DMD: variants seen among roughly 807,000 people sequenced by gnomAD.
DMD encodes dystrophin.
A neutral mutation model predicts 330.1 loss-of-function variants in DMD; 63 were observed. The ratio of observed to expected loss-of-function variants is 0.19; its 90% CI spans 0.16 to 0.24. DMD has a LOEUF of 0.24. Among genes scored for constraint, DMD ranks in the 10% least tolerant of loss-of-function variants. The probability of loss-of-function intolerance (pLI) is 1.00; values close to 1 mark genes in which losing one functional copy is unlikely to be tolerated. For missense variants in DMD, 3,344 were observed against 2,684.1 expected, an observed-to-expected ratio of 1.25 and a Z score of -5.43; for synonymous variants, 1,223 against 959.8, an observed-to-expected ratio of 1.27 and a Z score of -5.07.
chrX:32,338,202 C>A (rs559195679), intron 41 of DMD, among the ~76,000 whole-genome samples: 9 of 111,361 alleles, frequency 8.1e-5, no homozygotes, highest in East Asian at 2.8e-4. Context: ...TCTTAAGTAA[C>A]CCTTAATGAT....
At chrX:33,143,813 T>G (rs2047908271) in intron 1 of DMD, among the ~76,000 whole-genome samples, 1 of 111,671 alleles carries the variant, frequency 9.0e-6, no homozygotes, top group Non-Finnish European at 1.9e-5. Flanking sequence ...CACATTTCTC[T>G]GCATAATTTG....
rs774624660 is a variant in DMD at position 32,454,804 on chromosome X, C to A, written c.3461G>T (p.Gly1154Val). Reference protein sequence around the residue: ...QVYARKEALKGGLEKTVSLQK... With the variant: ...QVYARKEALKVGLEKTVSLQK... ...GAGGCTTACAGTTTTCTCCAAACCTCCCTTCAAGGCCTCCTTTCTGGCATA... is the reference window on the plus strand; with the variant it reads ...GAGGCTTACAGTTTTCTCCAAACCTACCTTCAAGGCCTCCTTTCTGGCATA... The change falls in exon 26 of 79, where the codon GGA becomes GTA. Residue 1154 changes from glycine to valine, a missense_variant. Coordinates refer to ENST00000357033, the MANE Select transcript of DMD (RefSeq NM_004006.3). 5 of 1,205,192 alleles carry A rather than the reference C, an allele frequency of 4.1e-6. No homozygotes were observed. In the African/African-American group the frequency reaches 5.3e-5, roughly 13 times the overall value.
chrX:31,427,489 G>T (rs1044995977), intron 60 of DMD, among the ~76,000 whole-genome samples: 1 of 111,378 alleles, frequency 9.0e-6, no homozygotes, highest in African/African-American at 3.3e-5. Flanking sequence ...TTGGGTAGAG[G>T]GTCTCGAGAC....
intron 44 of DMD, among the ~76,000 whole-genome samples, chrX:32,072,656 G>A (rs936706244): frequency 5.4e-5 from 6 of 111,164 alleles, no homozygotes; most frequent in South Asian, 3.7e-4. Flanking sequence ...AGAAAATTTG[G>A]TTCAGGACAG....
intron 59 of DMD, among the ~76,000 whole-genome samples, chrX:31,469,718 C>G (rs1351879730): frequency 9.0e-6 from 1 of 111,714 alleles, no homozygotes; most frequent in African/African-American, 3.3e-5. Context: ...GTTGGCCTGT[C>G]TTGCTAGGTT....
At chrX:31,122,367 T>TATCA (rs886663465) in intron 78 of DMD, among the ~76,000 whole-genome samples, 72 of 111,163 alleles carry the variant, frequency 6.5e-4, no homozygotes, top group East Asian at 8.5e-4. Context: ...TTTTTTTTAC[T>TATCA]ATCAATCAAA....
At chrX:31,826,698 G>A (rs907089113) in intron 49 of DMD, among the ~76,000 whole-genome samples, 3 of 112,182 alleles carry the variant, frequency 2.7e-5, no homozygotes, top group Non-Finnish European at 5.6e-5. Flanking sequence ...TCATCTATAA[G>A]CAAATTTAAG....
At chrX:33,335,853 T>C (rs2054245611) in intron 1 of DMD, among the ~76,000 whole-genome samples, 1 of 111,224 alleles carries the variant, frequency 9.0e-6, no homozygotes, top group South Asian at 3.7e-4. Flanking sequence ...AGCCAGCTGA[T>C]TTATTGACCA....
chrX:32,321,140 T>C (rs1753385752), intron 41 of DMD, among the ~76,000 whole-genome samples: 1 of 111,847 alleles, frequency 8.9e-6, no homozygotes, highest in African/African-American at 3.2e-5. Context: ...TATGCACATG[T>C]ATGTATGTAC....
At chrX:33,189,241 C>T (rs754471289) in intron 1 of DMD, among the ~76,000 whole-genome samples, 1 of 110,458 alleles carries the variant, frequency 9.1e-6, no homozygotes, top group African/African-American at 3.3e-5. Context: ...TTTGTTTATT[C>T]AAAAAAAGCA....
At chrX:31,834,532 C>A (rs1842557794) in intron 49 of DMD, among the ~76,000 whole-genome samples, 1 of 111,672 alleles carries the variant, frequency 9.0e-6, no homozygotes, top group Non-Finnish European at 1.9e-5. Flanking sequence ...TTCTGCCTCT[C>A]GGGTTCAAGT....
chrX:32,731,132 G>T (rs1038369794), intron 7 of DMD, among the ~76,000 whole-genome samples: 2 of 112,074 alleles, frequency 1.8e-5, no homozygotes, highest in Admixed American at 9.4e-5. Flanking sequence ...CCCTTTCCTA[G>T]TCAAAGAAAG....
intron 43 of DMD, among the ~76,000 whole-genome samples, chrX:32,257,795 AC>A (rs1024886802): frequency 8.9e-6 from 1 of 111,896 alleles, no homozygotes; most frequent in Non-Finnish European, 1.9e-5. Flanking sequence ...AGCAACAGCA[AC>A]AAAAGCCAAA....
chrX:32,819,498 AAC>A (rs1235537508), intron 5 of DMD, among the ~76,000 whole-genome samples: 1 of 111,767 alleles, frequency 8.9e-6, no homozygotes, highest in East Asian at 2.8e-4. Flanking sequence ...AAAGATGCCA[AAC>A]ACATGTTATA....
intron 44 of DMD, among the ~76,000 whole-genome samples, chrX:32,136,300 C>T (rs1019529493): frequency 1.8e-5 from 2 of 112,304 alleles, no homozygotes; most frequent in African/African-American, 3.2e-5. Context: ...TAGTATATAC[C>T]AGCCAGGCCT....
intron 44 of DMD, among the ~76,000 whole-genome samples, chrX:32,018,328 CATATTCT>C (rs1343663701): frequency 1.8e-5 from 2 of 111,742 alleles, no homozygotes; most frequent in Non-Finnish European, 3.8e-5. Context: ...TTGTATTAAT[CATATTCT>C]AATTGTCCTC....
chrX:32,645,372 T>C (rs1409675185), intron 9 of DMD, among the ~76,000 whole-genome samples: 1 of 112,156 alleles, frequency 8.9e-6, no homozygotes, highest in Non-Finnish European at 1.9e-5. Context: ...ACCAAATTAA[T>C]ATTGTATTAA....
In DMD at chrX:31,689,491, C is replaced by T. The variant is rs766930071; in HGVS notation, c.7661-9905G>A. Among the ~76,000 whole-genome samples the T allele has an allele frequency of 5.5e-3, 605 of 110,661 alleles. 1 individual carries two copies. Among genetic ancestry groups the T allele is most frequent in the Non-Finnish European group, 8.8e-3 (465 of 52,716 alleles). ...AAGAGGACACAAACAAATGGAAGAA[C>T]ATTCCATGCTCATGGATAGGAAGAA... On this transcript the variant is annotated intron_variant, in intron 52 of 78. Transcript: ENST00000357033.
rs775790760 is a variant in DMD at position 33,033,554 on chromosome X, C to CAAAAAAAAAAAAAAAAAAAAAAAA, written c.32-13355_32-13354insTTTTTTTTTTTTTTTTTTTTTTTT. 6.2e-4 allele frequency among the ~76,000 whole-genome samples: 46 copies of CAAAAAAAAAAAAAAAAAAAAAAAA among 74,497 alleles called. 2 individuals are homozygous for CAAAAAAAAAAAAAAAAAAAAAAAA. The highest frequency in any genetic ancestry group is 2.2e-3 in the African/African-American group (39 of 17,795). The allele number at this position is 74,497 out of a possible 115,157, so 64.7% of individuals were successfully genotyped here. A position where few individuals can be genotyped will look rare whatever the true frequency, so the allele number is the denominator to read the frequency against. On this transcript the variant is annotated intron_variant, in intron 1 of 78. Transcript: ENST00000357033. ...TGAAACCCCGTCTCTACTAAAAATA[C>CAAAAAAAAAAAAAAAAAAAAAAAA]AAAAAAAAAAAAAAACTAGCCGGGC...
Sources: gnomAD v4.1 joint callset for allele counts (sites outside exome capture counted in the v4.1 genomes callset) on GRCh38, gnomAD v4.1.1 for gene constraint, MANE v1.5 for transcripts, NCBI Gene and HGNC (gene_info 2026-07-23, HGNC 2026-07-21) for gene names.